The following ARMC8 variants were observed in gnomAD, a reference collection of about 807,000 sequenced individuals.
The protein encoded by ARMC8 is armadillo repeat containing 8, also known as armadillo repeat-containing protein 8.
A neutral mutation model predicts 99.3 loss-of-function variants in ARMC8; 20 were observed. The observed-to-expected ratio is 0.20, with a 90% confidence interval of 0.14 to 0.29. The LOEUF (loss-of-function observed/expected upper bound fraction) is 0.29, where lower values mean the gene tolerates loss of function less well. ARMC8 is among the 10% of genes least tolerant of loss of function. The pLI, the probability that ARMC8 is intolerant of heterozygous loss-of-function variation, is 1.00. For synonymous variants in ARMC8, 263 were observed against 278.3 expected (o/e 0.95, Z 0.55); for missense variants, 569 against 809.5 (o/e 0.70, Z 3.60).
intron 11 of ARMC8, among the ~76,000 whole-genome samples, chr3:138,243,095 T>G (rs1247514467): frequency 1.3e-5 from 2 of 152,228 alleles, no homozygotes; most frequent in African/African-American, 2.4e-5. Flanking sequence ...CCTTAGCTAC[T>G]GCCTCATGAA....
intron 16 of ARMC8, among the ~76,000 whole-genome samples, chr3:138,271,711 A>T (rs1576909839): frequency 6.6e-6 from 1 of 152,032 alleles, no homozygotes; most frequent in East Asian, 1.9e-4. Context: ...CTTGATGGCT[A>T]ATGTCTTAGC....
At chr3:138,240,515 G>A (rs1053381766) in intron 10 of ARMC8, among the ~76,000 whole-genome samples, 1 of 152,046 alleles carries the variant, frequency 6.6e-6, no homozygotes, top group Non-Finnish European at 1.5e-5. Context: ...TCACATAGTA[G>A]TCATGAGCAT....
At chr3:138,189,705 CTT>C (rs2043267524) in intron 1 of ARMC8, among the ~76,000 whole-genome samples, 1 of 152,180 alleles carries the variant, frequency 6.6e-6, no homozygotes, top group Non-Finnish European at 1.5e-5. Flanking sequence ...ATTTGAGTCT[CTT>C]TATACCTTCT....
At chr3:138,272,735 C>T (rs557443279) in intron 16 of ARMC8, among the ~76,000 whole-genome samples, 44 of 152,138 alleles carry the variant, frequency 2.9e-4, no homozygotes, top group Non-Finnish European at 4.9e-4. Context: ...ATTAGCCAGG[C>T]GTGGTGGCTC....
chr3:138,244,237 G>A (rs973488692), intron 11 of ARMC8, among the ~76,000 whole-genome samples: 3 of 151,784 alleles, frequency 2.0e-5, no homozygotes, highest in African/African-American at 7.3e-5. Flanking sequence ...TTTTCACAAT[G>A]GGTTCTCTGT....
chr3:138,273,227 G>A lies in ARMC8; in HGVS notation c.1629+111G>A. 2.6e-6 allele frequency: 3 copies of A among 1,137,922 alleles called. No individual in the cohort carries two copies. The South Asian group carries it at 5.7e-5, about 21-fold the overall frequency. The allele number at this position is 1,137,922 out of a possible 1,614,324, so 70.5% of individuals were successfully genotyped here. The stretch of plus-strand genomic sequence containing the variant: ...ATCTGCCCATGAGTGTGATTCAAAT[G>A]CTGCCCCCTTCCAAAGAAACAAGGA... On this transcript the variant is annotated intron_variant, in intron 17 of 21. Transcript: ENST00000469044.
chr3:138,279,192 C>T (rs1454335060), intron 18 of ARMC8, among the ~76,000 whole-genome samples: 1 of 152,020 alleles, frequency 6.6e-6, no homozygotes. Context: ...AAATTATCTT[C>T]TAGTTTGTTG....
intron 1 of ARMC8, chr3:138,188,430 T>A: frequency 6.4e-7 from 1 of 1,562,818 alleles, no homozygotes; most frequent in Non-Finnish European, 8.7e-7. Flanking sequence ...GACTTTCACC[T>A]TTCACTATGT....
chr3:138,227,215 T>C (rs1470860026), intron 5 of ARMC8, among the ~76,000 whole-genome samples: 2 of 152,272 alleles, frequency 1.3e-5, no homozygotes, highest in East Asian at 1.9e-4. Flanking sequence ...TCTGCAGATA[T>C]ATAGACACAA....
chr3:138,197,286 G>A (rs1465246282), intron 1 of ARMC8, among the ~76,000 whole-genome samples: 1 of 152,204 alleles, frequency 6.6e-6, no homozygotes, highest in Non-Finnish European at 1.5e-5. Context: ...GGCTGAGTCT[G>A]AGGCAAGCAC....
At chr3:138,270,880 C>T (rs1301015936) in intron 16 of ARMC8, among the ~76,000 whole-genome samples, 2 of 152,008 alleles carry the variant, frequency 1.3e-5, no homozygotes, top group Non-Finnish European at 2.9e-5. Context: ...ATTTTTAAAA[C>T]ATATTTATAC....
At chr3:138,198,832 GT>G (rs934920040) in intron 1 of ARMC8, among the ~76,000 whole-genome samples, 20 of 150,134 alleles carry the variant, frequency 1.3e-4, no homozygotes, top group African/African-American at 4.7e-4. Context: ...ATATTTTAGA[GT>G]TTTTTTTTCA....
intron 1 of ARMC8, among the ~76,000 whole-genome samples, chr3:138,192,275 C>CA (rs2043430350): frequency 7.7e-6 from 1 of 130,688 alleles, no homozygotes; most frequent in African/African-American, 3.0e-5. Context: ...TTTATTTATC[C>CA]TTTTTTTTTT....
chr3:138,222,667 T>G (rs1559946211), intron 3 of ARMC8, among the ~76,000 whole-genome samples: 1 of 152,208 alleles, frequency 6.6e-6, no homozygotes, highest in Non-Finnish European at 1.5e-5. Flanking sequence ...ATGGTTTAAG[T>G]GTTTTAACTC....
intron 11 of ARMC8, among the ~76,000 whole-genome samples, chr3:138,244,301 G>A (rs2046776019): frequency 6.6e-6 from 1 of 151,930 alleles, no homozygotes; most frequent in Non-Finnish European, 1.5e-5. Flanking sequence ...TTTTTGAGAT[G>A]TAGTCTCGCT....
chr3:138,192,048 T>G (rs534638036), intron 1 of ARMC8, among the ~76,000 whole-genome samples: 145 of 152,320 alleles, frequency 9.5e-4, no homozygotes, highest in African/African-American at 3.3e-3. Flanking sequence ...AAATGCATGT[T>G]TAATTTTAAA....
In ARMC8 at chr3:138,205,060, CTTTTTT is replaced by C. The variant is rs71146118; in HGVS notation, c.46-4736_46-4731del. 7.9e-4 allele frequency among the ~76,000 whole-genome samples: 74 copies of C among 93,210 alleles called. No homozygotes were observed. In the East Asian group the frequency reaches 9.8e-3, roughly 12 times the overall value. 61.1% of individuals were successfully genotyped at this position (93,210 alleles called of 152,430 possible). A position where few individuals can be genotyped will look rare whatever the true frequency, so the allele number is the denominator to read the frequency against. ...AACTCAGTCTCTTTTCTTTTCTTTT[CTTTTTT>C]TTTTTTTTTTTTTTTTTTTTGAGGT... is the stretch of plus-strand genomic sequence containing the variant. On this transcript the variant is annotated intron_variant, in intron 1 of 21. Coordinates refer to ENST00000469044, the MANE Select transcript of ARMC8 (RefSeq NM_001363941.2).
At chr3:138,219,541 A>C (rs2045275901) in intron 2 of ARMC8, among the ~76,000 whole-genome samples, 1 of 152,204 alleles carries the variant, frequency 6.6e-6, no homozygotes, top group Non-Finnish European at 1.5e-5. Context: ...GAACTGAAAG[A>C]AGCTTCATCT....
In ARMC8 at chr3:138,283,581, C is replaced by T. The variant is rs76246933; in HGVS notation, c.1726-850C>T. Among the ~76,000 whole-genome samples, 1,049 of 152,266 alleles carry T rather than the reference C, an allele frequency of 6.9e-3. 9 individuals carry two copies. Among genetic ancestry groups the T allele is most frequent in the African/African-American group, 0.024 (1,001 of 41,534 alleles). ...CCTGATGCCCTGCAGAGGGCATACC[C>T]ATAATAGTTACTTAGTAAATGGTTT... On this transcript the variant is annotated intron_variant, in intron 18 of 21. Transcript: ENST00000469044.
Sources: gnomAD v4.1 joint callset for allele counts (sites outside exome capture counted in the v4.1 genomes callset) on GRCh38, gnomAD v4.1.1 for gene constraint, MANE v1.5 for transcripts, NCBI Gene and HGNC (gene_info 2026-07-23, HGNC 2026-07-21) for gene names.